The following TSPAN5 variants were observed in gnomAD, a reference collection of about 807,000 sequenced individuals.
TSPAN5 encodes the protein tetraspanin 5, also known as tetraspanin-5.
In TSPAN5, 10 loss-of-function variants were observed where a neutral mutation model predicts 37.1. That is an observed-to-expected ratio of 0.27 (90% CI 0.17 to 0.46). The LOEUF is 0.46. Among genes scored for constraint, TSPAN5 ranks in the 20% least tolerant of loss-of-function variants. The pLI is 1.00. For synonymous variants in TSPAN5, 110 were observed against 118.9 expected, an observed-to-expected ratio of 0.93 and a Z score of 0.48; for missense variants, 195 against 326.6, an observed-to-expected ratio of 0.60 and a Z score of 3.11.
intron 5 of TSPAN5, 93 bp downstream of exon 5, chr4:98,478,592 A>T (rs988721500): frequency 6.6e-7 from 1 of 1,506,182 alleles, no homozygotes; most frequent in African/African-American, 1.4e-5. Flanking sequence ...CCAGGTAAGA[A>T]GAGGGTTCAA....
In TSPAN5 at chr4:98,582,792, GC is replaced by G. The variant is rs539296635; in HGVS notation, c.82-75065del. Among the ~76,000 whole-genome samples, 7 of 152,166 alleles carry G rather than the reference GC, an allele frequency of 4.6e-5. No individual in the cohort carries two copies. The East Asian group carries it at 1.4e-3, about 29-fold the overall frequency. On this transcript the variant is annotated intron_variant, in intron 1 of 7. Transcript: ENST00000305798. ...TGACCCCACTATATTGTAAACATGTGCCCCCCTCATTAAACTGCAAGCTCCC... is the reference window on the plus strand; with the variant it reads ...TGACCCCACTATATTGTAAACATGTGCCCCCTCATTAAACTGCAAGCTCCC...
At chr4:98,607,078 T>C (rs568967707) in intron 1 of TSPAN5, among the ~76,000 whole-genome samples, 1 of 152,246 alleles carries the variant, frequency 6.6e-6, no homozygotes, top group East Asian at 1.9e-4. Context: ...CTGGTCAGCA[T>C]CCTCCATTTC....
At chr4:98,634,163 C>T (rs925702234) in intron 1 of TSPAN5, among the ~76,000 whole-genome samples, 2 of 152,176 alleles carry the variant, frequency 1.3e-5, no homozygotes, top group African/African-American at 4.8e-5. Context: ...ATCATACTCT[C>T]CATTTCACAA....
chr4:98,511,662 T>C (rs1348872730), intron 1 of TSPAN5, among the ~76,000 whole-genome samples: 1 of 152,160 alleles, frequency 6.6e-6, no homozygotes, highest in Admixed American at 6.5e-5. Flanking sequence ...AAACTTAATA[T>C]GAATAAAAGG....
chr4:98,636,950 G>A (rs1372288578), intron 1 of TSPAN5, among the ~76,000 whole-genome samples: 5 of 152,136 alleles, frequency 3.3e-5, no homozygotes, highest in Non-Finnish European at 7.4e-5. Flanking sequence ...CCTGGTGTGA[G>A]GTTTCTTAGC....
intron 1 of TSPAN5, among the ~76,000 whole-genome samples, chr4:98,587,239 C>T (rs1325500853): frequency 1.3e-5 from 2 of 152,232 alleles, no homozygotes; most frequent in African/African-American, 4.8e-5. Context: ...GAAGCAACAG[C>T]ACTGTGTGTG....
intron 1 of TSPAN5, among the ~76,000 whole-genome samples, chr4:98,578,053 A>AT (rs1233162339): frequency 6.6e-6 from 1 of 152,150 alleles, no homozygotes; most frequent in Non-Finnish European, 1.5e-5. Context: ...CACACATCCT[A>AT]TTTTTTGGCA....
At chr4:98,624,827 A>T (rs1756558182) in intron 1 of TSPAN5, among the ~76,000 whole-genome samples, 1 of 152,222 alleles carries the variant, frequency 6.6e-6, no homozygotes, top group Non-Finnish European at 1.5e-5. Flanking sequence ...AGGGAAAGAA[A>T]GTCAATGTTA....
At chr4:98,501,510 G>A (rs992228913) in intron 2 of TSPAN5, among the ~76,000 whole-genome samples, 4 of 152,258 alleles carry the variant, frequency 2.6e-5, no homozygotes, top group South Asian at 2.1e-4. Flanking sequence ...GTGATGAGTC[G>A]CATGAGAAGG....
At chr4:98,625,076 A>G (rs1281757760) in intron 1 of TSPAN5, among the ~76,000 whole-genome samples, 1 of 152,224 alleles carries the variant, frequency 6.6e-6, no homozygotes, top group Non-Finnish European at 1.5e-5. Context: ...AGGGAGGAGG[A>G]GAAAAAGCTA....
intron 1 of TSPAN5, among the ~76,000 whole-genome samples, chr4:98,537,570 T>C (rs1578976525): frequency 6.6e-6 from 1 of 152,302 alleles, no homozygotes; most frequent in Non-Finnish European, 1.5e-5. Context: ...AGTGCCCCAT[T>C]TTACAGATGA....
chr4:98,609,413 G>A (rs1309331787), intron 1 of TSPAN5, among the ~76,000 whole-genome samples: 2 of 152,098 alleles, frequency 1.3e-5, no homozygotes, highest in Non-Finnish European at 2.9e-5. Flanking sequence ...AAAACCAGAT[G>A]GCATCACTGC....
intron 1 of TSPAN5, among the ~76,000 whole-genome samples, chr4:98,546,480 T>C (rs111452161): frequency 7.6e-4 from 116 of 152,296 alleles, no homozygotes; most frequent in African/African-American, 2.7e-3. Flanking sequence ...CCCGACAGAA[T>C]AGAAAATATC....
intron 1 of TSPAN5, among the ~76,000 whole-genome samples, chr4:98,553,392 G>A (rs560366496): frequency 8.9e-4 from 136 of 152,236 alleles, no homozygotes; most frequent in Non-Finnish European, 1.7e-3. Flanking sequence ...CTATGTGGTG[G>A]TATTACAGAA....
intron 1 of TSPAN5, among the ~76,000 whole-genome samples, chr4:98,536,649 A>G (rs1019871380): frequency 4.6e-5 from 7 of 152,178 alleles, no homozygotes; most frequent in Admixed American, 2.6e-4. Flanking sequence ...GGTTTTATCT[A>G]TAAGTCCCTG....
intron 1 of TSPAN5, among the ~76,000 whole-genome samples, chr4:98,640,962 G>T (rs558205918): frequency 2.5e-4 from 38 of 152,146 alleles, no homozygotes; most frequent in Non-Finnish European, 5.9e-5. Flanking sequence ...CCCACTTTTT[G>T]CCCAAAAGGA....
chr4:98,588,782 G>T (rs1366343004), intron 1 of TSPAN5, among the ~76,000 whole-genome samples: 1 of 152,222 alleles, frequency 6.6e-6, no homozygotes, highest in Non-Finnish European at 1.5e-5. Context: ...TGGCCTAGAA[G>T]ACTTCAAATG....
intron 1 of TSPAN5, among the ~76,000 whole-genome samples, chr4:98,575,838 G>C (rs1482511033): frequency 1.3e-5 from 2 of 151,186 alleles, no homozygotes; most frequent in Non-Finnish European, 2.9e-5. Flanking sequence ...TTGGGAGGCT[G>C]AGACAGGCAG....
intron 1 of TSPAN5, among the ~76,000 whole-genome samples, chr4:98,653,257 C>A (rs1192319154): frequency 1.3e-5 from 2 of 152,062 alleles, no homozygotes; most frequent in Non-Finnish European, 2.9e-5. Context: ...GATGCCCCCC[C>A]TCCCCCACCG....
Sources: gnomAD v4.1 joint callset for allele counts (sites outside exome capture counted in the v4.1 genomes callset) on GRCh38, gnomAD v4.1.1 for gene constraint, MANE v1.5 for transcripts, NCBI Gene and HGNC (gene_info 2026-07-23, HGNC 2026-07-21) for gene names.